The following NOS2 variants were observed in gnomAD, a reference collection of about 807,000 sequenced individuals.
NOS2 encodes nitric oxide synthase 2.
NOS2 carries 96 observed loss-of-function variants against 136.0 expected under a neutral mutation model. The observed-to-expected ratio is 0.71, with a 90% CI of 0.60 to 0.84. The LOEUF is 0.84. Ranked by LOEUF, NOS2 falls within the 40% of genes least tolerant of loss-of-function variation. The pLI is 0.00. For synonymous variants in NOS2, 539 were observed against 587.5 expected, an observed-to-expected ratio of 0.92 and a Z score of 1.20; for missense variants, 1,237 against 1,496.9, an observed-to-expected ratio of 0.83 and a Z score of 2.87.
rs949374306 is a variant in NOS2 at position 27,774,114 on chromosome 17, C to A, written c.1476+143G>T. 2.6e-5 allele frequency: 14 copies of A among 528,484 alleles called. 1 individual carries two copies. The East Asian group carries it at 2.8e-4, about 11-fold the overall frequency. The allele number at this position is 528,484 out of a possible 1,614,324, so 32.7% of individuals were successfully genotyped here. On this transcript the variant is annotated intron_variant, in intron 12 of 26. Coordinates refer to ENST00000313735, the MANE Select transcript of NOS2 (RefSeq NM_000625.4). Reference sequence around the variant, plus strand: ...AAATGCACAAAGGCTGCTCAGCATCCTTGAGTGGGGCCTGGAAAGCTCTAA... The same window carrying A: ...AAATGCACAAAGGCTGCTCAGCATCATTGAGTGGGGCCTGGAAAGCTCTAA...
At chr17:27,775,317 G>A (rs1242814984) in intron 11 of NOS2, among the ~76,000 whole-genome samples, 1 of 152,072 alleles carries the variant, frequency 6.6e-6, no homozygotes, top group Non-Finnish European at 1.5e-5. Flanking sequence ...AAATTAGTAG[G>A]CCAGCTGTCG....
intron 6 of NOS2, 122 bp from the exon 7 acceptor site, chr17:27,782,228 C>T (rs1338624299): frequency 3.7e-6 from 3 of 811,386 alleles, no homozygotes; most frequent in Non-Finnish European, 6.1e-6. Context: ...ACACTCAACA[C>T]CATGCCGAAG....
intron 2 of NOS2, among the ~76,000 whole-genome samples, chr17:27,798,165 C>G (rs1165473873): frequency 6.6e-6 from 1 of 152,124 alleles, no homozygotes; most frequent in Admixed American, 6.5e-5. Flanking sequence ...TTCCTCATAC[C>G]ACAGGTGAGC....
intron 18 of NOS2, among the ~76,000 whole-genome samples, chr17:27,767,241 A>G (rs1163009577): frequency 6.6e-6 from 1 of 152,124 alleles, no homozygotes; most frequent in Non-Finnish European, 1.5e-5. Flanking sequence ...CAGAGTGGAG[A>G]GTTCACCACT....
intron 2 of NOS2, among the ~76,000 whole-genome samples, chr17:27,795,063 C>T (rs1322328860): frequency 2.0e-5 from 3 of 151,900 alleles, no homozygotes; most frequent in African/African-American, 7.3e-5. Flanking sequence ...GGTCCCAGTA[C>T]ACCCACAACT....
At chr17:27,773,301 C>A (rs570504195) in intron 12 of NOS2, 58 bp from the exon 13 acceptor site, 3 of 1,222,180 alleles carry the variant, frequency 2.5e-6, no homozygotes, top group East Asian at 4.7e-5. Context: ...GCTCAGCTCG[C>A]GGATGCTGGA....
At chr17:27,784,439 C>G (rs1908954014) in intron 5 of NOS2, among the ~76,000 whole-genome samples, 1 of 152,152 alleles carries the variant, frequency 6.6e-6, no homozygotes, top group Non-Finnish European at 1.5e-5. Flanking sequence ...GCTGGGAGAC[C>G]TCCCTCCCCA....
intron 17 of NOS2, 31 bp from the exon 18 acceptor site, chr17:27,767,868 T>C: frequency 6.2e-7 from 1 of 1,609,828 alleles, no homozygotes; most frequent in Non-Finnish European, 8.5e-7. Context: ...CTGCGGTTAA[T>C]GGTCAGCAGC....
rs66764731 is a variant in NOS2 at position 27,774,188 on chromosome 17, G to GCACACA, written c.1476+63_1476+68dup. ...TGCCCTACATGTGTAACAATGAGGTGCACACACACACACACACATACAGCC... is the reference window on the plus strand; with the variant it reads ...TGCCCTACATGTGTAACAATGAGGTGCACACACACACACACACACACACATACAGCC... On this transcript the variant is annotated intron_variant, in intron 12 of 26. Transcript: ENST00000313735. The GCACACA allele has an allele frequency of 1.6e-4, 173 of 1,085,232 alleles. No individual in the cohort carries two copies. In the African/African-American group the frequency reaches 2.2e-3, roughly 14 times the overall value. The allele number at this position is 1,085,232 out of a possible 1,614,324, so 67.2% of individuals were successfully genotyped here. A position where few individuals can be genotyped will look rare whatever the true frequency, so the allele number is the denominator to read the frequency against.
rs28998819 is a variant in NOS2 at position 27,794,613 on chromosome 17, A to C, written c.110+4087T>G. On this transcript the variant is annotated intron_variant, in intron 2 of 26. Coordinates refer to ENST00000313735, the MANE Select transcript of NOS2 (RefSeq NM_000625.4). ...TCTAGCCAACTGCAGCCCAGCAAGC[A>C]ACACATAGCTCGACTTGGTTCTGAA... Among the ~76,000 whole-genome samples the C allele has an allele frequency of 1.9e-3, 287 of 152,262 alleles. 2 individuals carry two copies. Among genetic ancestry groups the C allele is most frequent in the African/African-American group, 6.5e-3 (268 of 41,540 alleles).
At chr17:27,784,133 A>AACAC (rs3838880) in intron 5 of NOS2, among the ~76,000 whole-genome samples, 13,478 of 147,060 alleles carry the variant, frequency 0.092, 773 homozygotes, top group South Asian at 0.22. Flanking sequence ...AAGGCTTTGA[A>AACAC]ACACACACAC....
intron 16 of NOS2, 102 bp from the exon 17 acceptor site, chr17:27,769,253 C>T (rs1381739831): frequency 1.7e-6 from 2 of 1,202,228 alleles, no homozygotes; most frequent in East Asian, 2.5e-5. Context: ...GACTCTCCCC[C>T]TCCAGCTGGA....
At chr17:27,793,892 A>G in intron 2 of NOS2, 1 of 366,612 alleles carries the variant, frequency 2.7e-6, no homozygotes, top group Non-Finnish European at 4.9e-6. Flanking sequence ...CCAAGCACCC[A>G]GGGGCCCGCA....
At position 27,782,605 on chromosome 17, in the gene NOS2, G is replaced by C. The variant is rs28942376; in HGVS notation, c.630+339C>G. Among the ~76,000 whole-genome samples, 627 of 152,352 alleles carry C rather than the reference G, an allele frequency of 4.1e-3. 1 individual carries two copies. Among genetic ancestry groups the C allele is most frequent in the Admixed American group, 0.01 (157 of 15,304 alleles). On this transcript the variant is annotated intron_variant, in intron 6 of 26. Coordinates refer to ENST00000313735, the MANE Select transcript of NOS2 (RefSeq NM_000625.4). ...AAATAAAATGTTCTCTTGGAGCCAAGAATTCAAGCATTGGAGGAAAACAAC... is the reference window on the plus strand; with the variant it reads ...AAATAAAATGTTCTCTTGGAGCCAACAATTCAAGCATTGGAGGAAAACAAC...
At position 27,798,848 on chromosome 17, in the gene NOS2, T is replaced by G. The variant is rs768157725; in HGVS notation, c.-39A>C. On this transcript the variant is annotated 5_prime_UTR_variant, in exon 2 of 27. Coordinates refer to ENST00000313735, the MANE Select transcript of NOS2 (RefSeq NM_000625.4). ...CAAAGCAGGTCACTTATGTCACTTA[T>G]CTGGATTTGAGCTCAGATGTTCTTC... 2 of 1,281,538 alleles carry G rather than the reference T, an allele frequency of 1.6e-6. No individual in the cohort carries two copies. The highest frequency in any genetic ancestry group is 2.3e-6 in the Non-Finnish European group (2 of 876,558). The allele number at this position is 1,281,538 out of a possible 1,614,324, so 79.4% of individuals were successfully genotyped here. A position where few individuals can be genotyped will look rare whatever the true frequency, so the allele number is the denominator to read the frequency against.
In NOS2 at chr17:27,780,778, C is replaced by T; in HGVS notation, c.993G>A (p.Met331Ile). 1 of 1,614,210 alleles carries T rather than the reference C, an allele frequency of 6.2e-7. No homozygotes were observed. Among genetic ancestry groups the T allele is most frequent in the Non-Finnish European group, 8.5e-7 (1 of 1,180,036 alleles). The change falls in exon 9 of 27, where the codon ATG (methionine) becomes ATA (isoleucine). Residue 331 changes from methionine to isoleucine, a missense_variant. This residue lies in a region of NOS2 where 440 missense variants were observed against 545.4 expected (regional missense o/e 0.81). Transcript: ENST00000313735. ...IPPDLVLEVA[M>I]EHPKYEWFRE... ...CTCAGCCTACTTACTTGGGATGTTC[C>T]ATGGCCACCTCAAGCACAAGGTCAG... is the stretch of plus-strand genomic sequence containing the variant.
intron 12 of NOS2, 36 bp downstream of exon 12, chr17:27,774,221 A>G (rs749361314): frequency 7.1e-7 from 1 of 1,412,976 alleles, no homozygotes; most frequent in South Asian, 1.7e-5. Context: ...GCCACATCTG[A>G]GCCCCCAGGA....
chr17:27,789,719 G>T, intron 2 of NOS2, 31 bp from the exon 3 acceptor site: 1 of 1,515,852 alleles, frequency 6.6e-7, no homozygotes, highest in Non-Finnish European at 9.2e-7. Context: ...CATGAGATGC[G>T]GTATCCAAGG....
chr17:27,765,623 C>A lies in NOS2; in HGVS notation c.2340G>T (p.Gln780His). ...CCAGGATACCTTGGACCAGGGCCGG[C>A]TGGTTGCCTGGGCAAACCCCAAGGT... ...GEHLGVCPGNQPALVQGILER... is the reference protein window; with the variant it reads ...GEHLGVCPGNHPALVQGILER... Residue 780 changes from glutamine to histidine, a missense_variant, in exon 20 of 27, where the codon CAG becomes CAT. Physicochemically the swap from Gln to His is conservative, Grantham distance 24. This residue lies in a region of NOS2 where 782 missense variants were observed against 909.9 expected (regional missense o/e 0.86). Transcript: ENST00000313735. The A allele has an allele frequency of 6.2e-7, 1 of 1,613,190 alleles. No homozygotes were observed. Among genetic ancestry groups the A allele is most frequent in the Non-Finnish European group, 8.5e-7 (1 of 1,179,964 alleles).
Sources: allele counts gnomAD v4.1 joint callset (sites outside exome capture counted in the v4.1 genomes callset), GRCh38; gene constraint gnomAD v4.1.1; regional missense constraint gnomAD v4.1.1; transcripts MANE v1.5; gene names NCBI Gene and HGNC (gene_info 2026-07-23, HGNC 2026-07-21).